IL4I1: variants seen among roughly 807,000 people sequenced by gnomAD.
The protein encoded by IL4I1 is interleukin 4 induced 1.
In IL4I1, 24 loss-of-function variants were observed where a neutral mutation model predicts 29.7. The observed-to-expected ratio is 0.81, with a 90% CI of 0.59 to 1.14. IL4I1 has a LOEUF of 1.14. Ranked by LOEUF, IL4I1 falls within the 50% of genes most tolerant of loss-of-function variation. The pLI, the probability that IL4I1 is intolerant of heterozygous loss-of-function variation, is 0.00. For missense variants in IL4I1, 686 were observed against 785.6 expected (o/e 0.87, Z 1.52); for synonymous variants, 371 against 352.5 (o/e 1.05, Z -0.59).
chr19:49,918,357 G>A (rs767454402), intron 2 of IL4I1, among the ~76,000 whole-genome samples: 6 of 152,044 alleles, frequency 3.9e-5, no homozygotes, highest in Non-Finnish European at 5.9e-5. Context: ...GAGCCACCAC[G>A]TCCAGCGAGG....
At position 49,889,996 on chromosome 19, in the gene IL4I1, C is replaced by T. The variant is rs1217440921; in HGVS notation, c.1378G>A (p.Ala460Thr). 1 of 1,558,066 alleles carries T rather than the reference C, an allele frequency of 6.4e-7. No homozygotes were observed. Among genetic ancestry groups the T allele is most frequent in the South Asian group, 1.2e-5 (1 of 85,232 alleles). ...SQGGFVVQPP[A>T]LWQTEKDDWT... is the part of the protein sequence containing the mutation. ...TCATCCTTTTCGGTTTGCCAGAGCG[C>T]CGGCGGCTGTACCACAAAGCCACCC... Residue 460 changes from alanine to threonine, a missense_variant, in exon 8 of 8, where the codon GCG (alanine) becomes ACG (threonine). Ala to Thr is a moderately conservative substitution (Grantham distance 58). Coordinates refer to ENST00000391826, the MANE Select transcript of IL4I1 (RefSeq NM_152899.2).
Position 49,889,976 on chromosome 19 carries a change from C to A in IL4I1, c.1398G>T (p.Lys466Asn). The A allele has an allele frequency of 6.4e-7, 1 of 1,574,340 alleles. No homozygotes were observed. Among genetic ancestry groups the A allele is most frequent in the Non-Finnish European group, 8.6e-7 (1 of 1,160,186 alleles). ...GGCCATAAGGGACCGTCCAGTCATC[C>A]TTTTCGGTTTGCCAGAGCGCCGGCG... ...VQPPALWQTE[K>N]DDWTVPYGRI... The change falls in exon 8 of 8, where the codon AAG becomes AAT. Residue 466 changes from lysine (K) to asparagine (N), a missense_variant. By Grantham distance (94) the Lys-to-Asn change is moderately conservative. Coordinates refer to ENST00000391826, the MANE Select transcript of IL4I1 (RefSeq NM_152899.2).
chr19:49,920,632 G>A (rs991710198), intron 2 of IL4I1, among the ~76,000 whole-genome samples: 6 of 152,212 alleles, frequency 3.9e-5, no homozygotes, highest in Admixed American at 1.3e-4. Context: ...ACTTTACCCC[G>A]AGGGCAACGG....
chr19:49,918,061 G>A (rs1439932546), intron 2 of IL4I1, among the ~76,000 whole-genome samples: 1 of 151,336 alleles, frequency 6.6e-6, no homozygotes, highest in Non-Finnish European at 1.5e-5. Flanking sequence ...CCATGGAGAG[G>A]GTCTGCTTTC....
chr19:49,926,205 T>A, intron 2 of IL4I1, among the ~76,000 whole-genome samples: 2 of 90,700 alleles, frequency 2.2e-5, no homozygotes, highest in Admixed American at 1.3e-4. Context: ...CGAGACTCTG[T>A]CTCAAAAAAA....
chr19:49,929,007 G>A (rs139891865), intron 1 of IL4I1: 1 of 152,474 alleles, frequency 6.6e-6, no homozygotes, highest in Non-Finnish European at 1.5e-5. Context: ...GAGGGAAGAG[G>A]TCGGATCCCC....
At chr19:49,910,154 C>T (rs1293497487) in intron 2 of IL4I1, among the ~76,000 whole-genome samples, 4 of 152,104 alleles carry the variant, frequency 2.6e-5, no homozygotes, top group Non-Finnish European at 4.4e-5. Context: ...GGCGGGAGAA[C>T]AGGACCTTGG....
At chr19:49,924,786 C>G (rs1397037119) in intron 2 of IL4I1, among the ~76,000 whole-genome samples, 1 of 152,184 alleles carries the variant, frequency 6.6e-6, no homozygotes. Flanking sequence ...CTGGCACCCA[C>G]TCACCCTGAG....
chr19:49,920,146 G>A (rs755482396), intron 2 of IL4I1, among the ~76,000 whole-genome samples: 1 of 151,958 alleles, frequency 6.6e-6, no homozygotes, highest in East Asian at 1.9e-4. Context: ...GCAGTGGCGT[G>A]ATCTCAGCTC....
intron 4 of IL4I1, 74 bp from the exon 5 acceptor site, chr19:49,894,543 GA>G: frequency 2.7e-6 from 3 of 1,114,246 alleles, no homozygotes; most frequent in South Asian, 1.2e-5. Context: ...ACTTGGAGAA[GA>G]GGGGTGGGAG....
At chr19:49,905,276 C>T (rs1033188726) in intron 2 of IL4I1, among the ~76,000 whole-genome samples, 2 of 152,346 alleles carry the variant, frequency 1.3e-5, no homozygotes, top group Admixed American at 6.5e-5. Context: ...CCCCTGCCAA[C>T]GACCTTGTGG....
At chr19:49,911,903 C>T (rs1421166698) in intron 2 of IL4I1, among the ~76,000 whole-genome samples, 3 of 152,218 alleles carry the variant, frequency 2.0e-5, no homozygotes, top group Non-Finnish European at 4.4e-5. Flanking sequence ...GGCCTACATC[C>T]ATTCCTCCCG....
chr19:49,918,703 G>A (rs1180872417), intron 2 of IL4I1: 1 of 152,202 alleles, frequency 6.6e-6, no homozygotes, highest in Non-Finnish European at 1.5e-5. Flanking sequence ...GGATCAAGCT[G>A]TCTTCCCCAG....
At chr19:49,894,565 C>A in intron 4 of IL4I1, 96 bp from the exon 5 acceptor site, 2 of 513,602 alleles carry the variant, frequency 3.9e-6, no homozygotes, top group Non-Finnish European at 3.4e-6. Context: ...GGGAGAGTAG[C>A]TGGGGACCAG....
intron 2 of IL4I1, among the ~76,000 whole-genome samples, chr19:49,916,631 G>A (rs2075630960): frequency 6.6e-6 from 1 of 152,054 alleles, no homozygotes; most frequent in Non-Finnish European, 1.5e-5. Flanking sequence ...AGGCGTGGTG[G>A]TGGGTGCCCG....
At chr19:49,924,645 G>A (rs2075841828) in intron 2 of IL4I1, among the ~76,000 whole-genome samples, 1 of 152,230 alleles carries the variant, frequency 6.6e-6, no homozygotes, top group Admixed American at 6.5e-5. Context: ...GGGGCCACAG[G>A]CCTGGGTCAG....
upstream of IL4I1, chr19:49,901,611 T>C (rs771626169): frequency 1.3e-5 from 19 of 1,456,186 alleles, no homozygotes; most frequent in Non-Finnish European, 1.7e-5. Flanking sequence ...TTCCAGAACA[T>C]CCCAGGGCCC....
At chr19:49,923,492 C>T (rs954046455) in intron 2 of IL4I1, among the ~76,000 whole-genome samples, 1 of 152,228 alleles carries the variant, frequency 6.6e-6, no homozygotes, top group African/African-American at 2.4e-5. Context: ...AGGCAGACAT[C>T]TGCACACGGC....
At chr19:49,902,286 C>T (rs2075277946) in intron 3 of IL4I1, among the ~76,000 whole-genome samples, 1 of 152,112 alleles carries the variant, frequency 6.6e-6, no homozygotes, top group South Asian at 2.1e-4. Flanking sequence ...CAAGGCTGAG[C>T]CACTGCACCT....
Sources: allele counts gnomAD v4.1 joint callset (sites outside exome capture counted in the v4.1 genomes callset), GRCh38; gene constraint gnomAD v4.1.1; transcripts MANE v1.5; gene names NCBI Gene and HGNC (gene_info 2026-07-23, HGNC 2026-07-21).